Variants in CLVS1 observed in about 807,000 individuals in gnomAD.
CLVS1 encodes the protein clavesin-1.
In CLVS1, 10 loss-of-function variants were observed where a neutral mutation model predicts 33.1. The ratio of observed to expected loss-of-function variants is 0.30; its 90% CI spans 0.19 to 0.51. The LOEUF is 0.51. Among genes scored for constraint, CLVS1 ranks in the 20% least tolerant of loss-of-function variants. The pLI is 0.97. For missense variants in CLVS1, 343 were observed against 433.4 expected, an observed-to-expected ratio of 0.79 and a Z score of 1.85; for synonymous variants, 163 against 166.1, an observed-to-expected ratio of 0.98 and a Z score of 0.14.
intron 2 of CLVS1, among the ~76,000 whole-genome samples, chr8:61,332,151 T>A (rs1287048855): frequency 6.6e-6 from 1 of 152,200 alleles, no homozygotes; most frequent in East Asian, 1.9e-4. Context: ...GCCAGCTTTC[T>A]GGGGGCTGAG....
the CLVS1 span, among the ~76,000 whole-genome samples, chr8:60,985,049 T>A: frequency 6.6e-6 from 1 of 152,196 alleles, no homozygotes; most frequent in Non-Finnish European, 1.5e-5. Context: ...CTCCAAATCC[T>A]CTTTTCCAAC....
At chr8:61,210,501 A>G (rs1807949194) in intron 2 of CLVS1, among the ~76,000 whole-genome samples, 1 of 152,212 alleles carries the variant, frequency 6.6e-6, no homozygotes, top group Non-Finnish European at 1.5e-5. Flanking sequence ...ATGTCATGAG[A>G]GGGCCTGTGA....
chr8:61,443,648 A>G (rs1014855690), intron 3 of CLVS1, among the ~76,000 whole-genome samples: 2 of 152,280 alleles, frequency 1.3e-5, no homozygotes, highest in South Asian at 2.1e-4. Flanking sequence ...CTATAACTAC[A>G]TGATAAACCT....
the CLVS1 span, among the ~76,000 whole-genome samples, chr8:61,040,487 T>C: frequency 1.3e-5 from 2 of 152,362 alleles, no homozygotes; most frequent in South Asian, 4.1e-4. Flanking sequence ...CTTTGCAGTA[T>C]TGCCAGCCTC....
chr8:60,967,678 C>T, the CLVS1 span: 1 of 456,040 alleles, frequency 2.2e-6, no homozygotes, highest in Non-Finnish European at 4.4e-6. Context: ...GTTTTCAGGC[C>T]TCTCCTGCCC....
intron 2 of CLVS1, among the ~76,000 whole-genome samples, chr8:61,212,916 T>C (rs1393646211): frequency 6.6e-6 from 1 of 152,102 alleles, no homozygotes; most frequent in African/African-American, 2.4e-5. Context: ...AGTGCCAGTG[T>C]CGGGGACAGG....
Position 61,299,718 on chromosome 8 carries a change from C to T in CLVS1, c.-110C>T. The T allele has an allele frequency of 1.3e-6, 1 of 747,898 alleles. No individual in the cohort carries two copies. 46.3% of individuals were successfully genotyped at this position (747,898 alleles called of 1,614,324 possible). ...TTTTGCTTCTGTTTTGGATGAACAC[C>T]ACCACATAGGGCCTGAATGTGAAAG... On this transcript the variant is annotated 5_prime_UTR_variant, in exon 2 of 6. Coordinates refer to ENST00000325897, the MANE Select transcript of CLVS1 (RefSeq NM_173519.3).
chr8:61,375,036 T>C (rs143530973), intron 2 of CLVS1, among the ~76,000 whole-genome samples: 2 of 152,124 alleles, frequency 1.3e-5, no homozygotes, highest in Non-Finnish European at 2.9e-5. Flanking sequence ...CTATCCATTC[T>C]TCAAGATTAT....
chr8:61,003,887 G>GA, the CLVS1 span, among the ~76,000 whole-genome samples: 3 of 152,206 alleles, frequency 2.0e-5, no homozygotes, highest in Non-Finnish European at 4.4e-5. Context: ...ATTAGGTGGT[G>GA]AAAAATTCTC....
intron 2 of CLVS1, among the ~76,000 whole-genome samples, chr8:61,236,813 C>T (rs879632678): frequency 6.6e-5 from 10 of 152,276 alleles, no homozygotes; most frequent in African/African-American, 1.4e-4. Context: ...AGAGCTGAGT[C>T]GCTTCCCCAG....
the CLVS1 span, among the ~76,000 whole-genome samples, chr8:61,005,256 T>C: frequency 6.6e-6 from 1 of 152,188 alleles, no homozygotes; most frequent in Non-Finnish European, 1.5e-5. Context: ...CCTGTCAGTC[T>C]CAAAATTGAT....
chr8:61,316,612 G>A (rs539720786), intron 2 of CLVS1, among the ~76,000 whole-genome samples: 2 of 152,250 alleles, frequency 1.3e-5, no homozygotes, highest in African/African-American at 4.8e-5. Flanking sequence ...TGAAAATAAA[G>A]GAAGTGTAAG....
chr8:61,011,651 G>T, the CLVS1 span, among the ~76,000 whole-genome samples: 1 of 152,162 alleles, frequency 6.6e-6, no homozygotes, highest in East Asian at 1.9e-4. Flanking sequence ...GTTTCACTCT[G>T]TTGACCAGGC....
upstream of CLVS1, among the ~76,000 whole-genome samples, chr8:61,053,000 G>A (rs55656945): frequency 0.073 from 11,166 of 152,236 alleles, 587 homozygotes; most frequent in East Asian, 0.26. Context: ...GTGGATTGAC[G>A]TGATTTACTG....
chr8:61,280,316 A>G (rs1169243892), intron 2 of CLVS1, among the ~76,000 whole-genome samples: 4 of 152,244 alleles, frequency 2.6e-5, no homozygotes, highest in Non-Finnish European at 5.9e-5. Context: ...AACTGGTATT[A>G]GCAGGGGAAA....
chr8:61,009,640 C>T, the CLVS1 span, among the ~76,000 whole-genome samples: 114 of 152,102 alleles, frequency 7.5e-4, no homozygotes, highest in African/African-American at 2.7e-3. Flanking sequence ...TCTGTAGGAC[C>T]TCTTTATGGG....
chr8:61,477,801 A>G (rs1325890440), intron 5 of CLVS1, among the ~76,000 whole-genome samples: 3 of 151,980 alleles, frequency 2.0e-5, no homozygotes, highest in Non-Finnish European at 4.4e-5. Context: ...TATGTCCTTC[A>G]TTTCTGCTCT....
At chr8:61,493,255 A>G (rs774911090) in intron 5 of CLVS1, among the ~76,000 whole-genome samples, 9 of 152,166 alleles carry the variant, frequency 5.9e-5, no homozygotes, top group Non-Finnish European at 1.0e-4. Context: ...AGTACACACA[A>G]TTGTCTCTTG....
chr8:61,358,046 C>T (rs1206597601), intron 2 of CLVS1, among the ~76,000 whole-genome samples: 7 of 152,252 alleles, frequency 4.6e-5, no homozygotes, highest in Admixed American at 2.0e-4. Context: ...TTTGGAACAG[C>T]CCTAAAATCC....
Sources: allele counts gnomAD v4.1 joint callset (sites outside exome capture counted in the v4.1 genomes callset), GRCh38; gene constraint gnomAD v4.1.1; transcripts MANE v1.5; gene names NCBI Gene and HGNC (gene_info 2026-07-23, HGNC 2026-07-21).